Variants in GPATCH8 observed in about 807,000 individuals in gnomAD.
GPATCH8 encodes G patch domain-containing protein 8.
Under a neutral mutation model 118.3 loss-of-function variants are expected in GPATCH8, and 18 were observed. The observed-to-expected ratio is 0.15, with a 90% CI of 0.11 to 0.23. The LOEUF is 0.23. Ranked by LOEUF, GPATCH8 falls within the 10% of genes least tolerant of loss-of-function variation. The pLI is 1.00. For missense variants in GPATCH8, 1,631 were observed against 1,873.8 expected (o/e 0.87, Z 2.39); for synonymous variants, 659 against 684.7 (o/e 0.96, Z 0.59).
chr17:44,446,254 A>G (rs908851842), intron 3 of GPATCH8, among the ~76,000 whole-genome samples: 17 of 151,786 alleles, frequency 1.1e-4, no homozygotes, highest in Non-Finnish European at 2.2e-4. Flanking sequence ...CGCCTATATT[A>G]GTTTCGTGAT....
intron 7 of GPATCH8, among the ~76,000 whole-genome samples, chr17:44,404,404 A>T (rs1249448390): frequency 1.3e-5 from 2 of 152,148 alleles, no homozygotes; most frequent in African/African-American, 4.8e-5. Flanking sequence ...TGGCCTCCCA[A>T]GGTGCTGGGA....
Position 44,398,736 on chromosome 17 carries a change from G to T in GPATCH8, c.3341C>A (p.Ala1114Asp). 2 of 1,612,188 alleles carry T rather than the reference G, an allele frequency of 1.2e-6. No individual in the cohort carries two copies. Among genetic ancestry groups the T allele is most frequent in the Non-Finnish European group, 1.7e-6 (2 of 1,178,574 alleles). The change falls in exon 8 of 8, where the codon GCC becomes GAC. Residue 1114 changes from alanine to aspartate, a missense_variant. Coordinates refer to ENST00000591680, the MANE Select transcript of GPATCH8 (RefSeq NM_001002909.4). ...CTTGGGCCCAGCTTTATTAGGGGTG[G>T]CCTGCACCTCCTCACTCACACTAGG... ...RKPSVSEEVQ[A>D]TPNKAGPKLK... is the part of the protein sequence containing the mutation.
At chr17:44,414,886 C>T (rs2049617201) in intron 6 of GPATCH8, among the ~76,000 whole-genome samples, 1 of 152,148 alleles carries the variant, frequency 6.6e-6, no homozygotes, top group African/African-American at 2.4e-5. Flanking sequence ...TTTCAAGATT[C>T]ATGCATGTTG....
At chr17:44,458,855 T>C (rs1349943060) in intron 3 of GPATCH8, among the ~76,000 whole-genome samples, 2 of 152,210 alleles carry the variant, frequency 1.3e-5, no homozygotes, top group Non-Finnish European at 2.9e-5. Flanking sequence ...TTCTAAGTTT[T>C]GGGTTATGCT....
intron 5 of GPATCH8, among the ~76,000 whole-genome samples, chr17:44,426,603 CA>C (rs754510329): frequency 0.014 from 1,177 of 82,808 alleles, 9 homozygotes; most frequent in African/African-American, 0.06. Flanking sequence ...GACCTTGTCT[CA>C]AAAAAAAAAA....
chr17:44,476,232 T>C (rs1387683701), intron 1 of GPATCH8, among the ~76,000 whole-genome samples: 1 of 151,800 alleles, frequency 6.6e-6, no homozygotes, highest in Non-Finnish European at 1.5e-5. Context: ...TGAGACAAAG[T>C]CTCACTCTGT....
intron 1 of GPATCH8, among the ~76,000 whole-genome samples, chr17:44,499,223 T>G (rs1013977942): frequency 7.9e-5 from 12 of 152,116 alleles, no homozygotes; most frequent in South Asian, 4.1e-4. Context: ...TCCCAGCACT[T>G]TGGGAGACCG....
intron 3 of GPATCH8, among the ~76,000 whole-genome samples, chr17:44,456,848 T>C (rs2051352129): frequency 6.6e-6 from 1 of 152,028 alleles, no homozygotes; most frequent in Non-Finnish European, 1.5e-5. Context: ...ATTTTTTGAA[T>C]AGTAATACAA....
intron 6 of GPATCH8, among the ~76,000 whole-genome samples, chr17:44,414,927 CTGAA>C (rs2049619536): frequency 6.6e-6 from 1 of 152,172 alleles, no homozygotes. Context: ...CTTTTTATTG[CTGAA>C]TAATATTCCA....
At chr17:44,496,678 T>G (rs1969689470) in intron 1 of GPATCH8, among the ~76,000 whole-genome samples, 1 of 152,242 alleles carries the variant, frequency 6.6e-6, no homozygotes, top group Admixed American at 6.5e-5. Context: ...TGGGGCTTAC[T>G]AAATAACAGT....
rs532545018 is a variant in GPATCH8 at position 44,480,800 on chromosome 17, G to A, written c.46-5897C>T. Among the ~76,000 whole-genome samples the A allele has an allele frequency of 5.3e-5, 8 of 152,090 alleles. No homozygotes were observed. The East Asian group carries it at 5.8e-4, about 11-fold the overall frequency. On this transcript the variant is annotated intron_variant, in intron 1 of 7. Transcript: ENST00000591680. ...GCAGGAGAATCGCTTGAACCCGGGC[G>A]GCAGAGGTTGCAGTAAGCCGAGATC... is the stretch of plus-strand genomic sequence containing the variant.
intron 6 of GPATCH8, among the ~76,000 whole-genome samples, chr17:44,416,999 C>G (rs1337921736): frequency 1.3e-5 from 2 of 151,998 alleles, no homozygotes; most frequent in East Asian, 3.9e-4. Context: ...GCATATTCCT[C>G]TGACTGAGAT....
chr17:44,425,901 C>A (rs954415151), intron 5 of GPATCH8, among the ~76,000 whole-genome samples: 1 of 152,018 alleles, frequency 6.6e-6, no homozygotes, highest in South Asian at 2.1e-4. Context: ...TGATTTTCTT[C>A]TTGGGTATCA....
chr17:44,453,082 T>C (rs906232144), intron 3 of GPATCH8, among the ~76,000 whole-genome samples: 9 of 152,112 alleles, frequency 5.9e-5, no homozygotes, highest in South Asian at 2.1e-4. Flanking sequence ...TCCACCCACA[T>C]TGGCCTGCCA....
intron 2 of GPATCH8, among the ~76,000 whole-genome samples, chr17:44,466,747 T>C (rs1049258441): frequency 2.0e-5 from 3 of 152,212 alleles, no homozygotes; most frequent in African/African-American, 7.2e-5. Flanking sequence ...TTATTTCATA[T>C]CATAATTCCT....
chr17:44,452,009 G>A (rs2051128898), intron 3 of GPATCH8, among the ~76,000 whole-genome samples: 1 of 152,090 alleles, frequency 6.6e-6, no homozygotes, highest in South Asian at 2.1e-4. Context: ...GGTGGCTTAA[G>A]CCTGTAATCC....
At chr17:44,425,601 T>C (rs974865462) in intron 5 of GPATCH8, among the ~76,000 whole-genome samples, 5 of 152,242 alleles carry the variant, frequency 3.3e-5, no homozygotes, top group African/African-American at 1.2e-4. Context: ...AGTTCATGGC[T>C]CACTGCAGTC....
rs1182668828 is a variant in GPATCH8, at chr17:44,457,006, G to T, written c.193+7466C>A. Reference sequence around the variant, plus strand: ...GCCTCCTGAGTAGCTGGGATTACAGGCACGCACCACCACACCCAGCTAATT... The same window carrying T: ...GCCTCCTGAGTAGCTGGGATTACAGTCACGCACCACCACACCCAGCTAATT... On this transcript the variant is annotated intron_variant, in intron 3 of 7. Transcript: ENST00000591680. 7.2e-5 allele frequency among the ~76,000 whole-genome samples: 11 copies of T among 152,108 alleles called. No individual in the cohort carries two copies. In the East Asian group the frequency reaches 2.1e-3, roughly 29 times the overall value.
Position 44,396,841 on chromosome 17 carries a change from T to C in GPATCH8, c.*727A>G, listed in dbSNP as rs1349684696. 3 of 454,358 alleles carry C rather than the reference T, an allele frequency of 6.6e-6. No individual in the cohort carries two copies. 28.1% of individuals were successfully genotyped at this position (454,358 alleles called of 1,614,324 possible). A position where few individuals can be genotyped will look rare whatever the true frequency, so the allele number is the denominator to read the frequency against. ...ACAGAAGAAAATATACCCTTCACTT[T>C]AGACACATGAGCTCCTCTCTGGGCC... On this transcript the variant is annotated 3_prime_UTR_variant, in exon 8 of 8. Coordinates refer to ENST00000591680, the MANE Select transcript of GPATCH8 (RefSeq NM_001002909.4).
Sources: allele counts gnomAD v4.1 joint callset (sites outside exome capture counted in the v4.1 genomes callset), GRCh38; gene constraint gnomAD v4.1.1; transcripts MANE v1.5; gene names NCBI Gene and HGNC (gene_info 2026-07-23, HGNC 2026-07-21).